TSHR: variants seen among roughly 807,000 people sequenced by gnomAD.
TSHR encodes thyroid stimulating hormone receptor.
A neutral mutation model predicts 64.1 loss-of-function variants in TSHR; 51 were observed. The ratio of observed to expected loss-of-function variants is 0.80; its 90% CI spans 0.64 to 1.01. TSHR has a LOEUF of 1.01. Among genes scored for constraint, TSHR ranks in the 50% least tolerant of loss-of-function variants. The pLI, the probability that TSHR is intolerant of heterozygous loss-of-function variation, is 0.00. For synonymous variants in TSHR, 361 were observed against 361.9 expected (o/e 1.00, Z 0.03); for missense variants, 877 against 942.8 (o/e 0.93, Z 0.91).
intron 8 of TSHR, among the ~76,000 whole-genome samples, chr14:81,114,226 G>A (rs550681525): frequency 3.9e-5 from 6 of 152,004 alleles, no homozygotes; most frequent in African/African-American, 9.7e-5. Context: ...CAGCGTCAGC[G>A]ACGCAGAAGA....
intron 3 of TSHR, among the ~76,000 whole-genome samples, chr14:81,084,393 C>A (rs1232146906): frequency 1.3e-5 from 2 of 151,702 alleles, no homozygotes; most frequent in African/African-American, 2.4e-5. Flanking sequence ...GTGAAAATTC[C>A]ACATTCCTTC....
intron 7 of TSHR, among the ~76,000 whole-genome samples, chr14:81,105,480 G>T (rs1037361268): frequency 5.9e-5 from 9 of 152,158 alleles, no homozygotes; most frequent in African/African-American, 1.7e-4. Flanking sequence ...CAGCAGTGCT[G>T]GTTTTAGAGA....
Position 81,087,975 on chromosome 14 carries a change from C to G in TSHR, c.339C>G (p.Asn113Lys). 6.2e-7 allele frequency: 1 copy of G among 1,613,870 alleles called. No homozygotes were observed. Among genetic ancestry groups the G allele is most frequent in the Non-Finnish European group, 8.5e-7 (1 of 1,179,762 alleles). The change falls in exon 4 of 10, where the codon AAC becomes AAG. Residue 113 changes from asparagine to lysine, a missense_variant. By Grantham distance (94) the Asn-to-Lys change is moderately conservative. Transcript: ENST00000298171. ...VTHIEIRNTR[N>K]LTYIDPDALK... ...ACAGAGAAATTCGGAATACCAGGAA[C>G]TTAACTTACATAGACCCTGATGCCC...
intron 1 of TSHR, among the ~76,000 whole-genome samples, chr14:81,005,299 G>A (rs933877399): frequency 4.6e-5 from 7 of 151,246 alleles, no homozygotes; most frequent in African/African-American, 1.7e-4. Context: ...AAAATATATT[G>A]GCACTCTGAA....
At chr14:81,105,038 C>A (rs548007151) in intron 7 of TSHR, 1 of 985,374 alleles carries the variant, frequency 1.0e-6, no homozygotes, top group African/African-American at 1.7e-5. Flanking sequence ...TTTTGAGTCT[C>A]TTTTAAGCTA....
intron 3 of TSHR, among the ~76,000 whole-genome samples, chr14:81,085,321 C>T (rs1888212420): frequency 6.6e-6 from 1 of 152,138 alleles, no homozygotes; most frequent in South Asian, 2.1e-4. Flanking sequence ...ACGACCACTC[C>T]ACCCCTTCTC....
At chr14:81,010,561 T>G (rs1237078741) in intron 1 of TSHR, among the ~76,000 whole-genome samples, 3 of 152,134 alleles carry the variant, frequency 2.0e-5, no homozygotes, top group Admixed American at 6.5e-5. Context: ...CTATGGATGG[T>G]TGTACATTAA....
chr14:80,984,466 T>C (rs1888335820), intron 1 of TSHR, among the ~76,000 whole-genome samples: 1 of 152,186 alleles, frequency 6.6e-6, no homozygotes, highest in Admixed American at 6.5e-5. Context: ...TTATTAGAAC[T>C]CATTAGTCTG....
intron 1 of TSHR, among the ~76,000 whole-genome samples, chr14:81,048,434 C>G (rs1479871842): frequency 6.6e-6 from 1 of 152,086 alleles, no homozygotes; most frequent in East Asian, 1.9e-4. Flanking sequence ...CCTTCCACAT[C>G]CCAAAGATGG....
Position 81,088,016 on chromosome 14 carries a change from T to C in TSHR, c.380T>C (p.Leu127Pro). The change falls in exon 4 of 10, where the codon CTC (leucine) becomes CCC (proline). Residue 127 changes from leucine (L) to proline (P), a missense_variant. Leu to Pro is a moderately conservative substitution (Grantham distance 98). Coordinates refer to ENST00000298171, the MANE Select transcript of TSHR (RefSeq NM_000369.5). ...CCTGATGCCCTCAAAGAGCTCCCCCTCCTAAAGTTCCTGTAAGTATTAAAT... is the reference window on the plus strand; with the variant it reads ...CCTGATGCCCTCAAAGAGCTCCCCCCCCTAAAGTTCCTGTAAGTATTAAAT... ...IDPDALKELP[L>P]LKFLGIFNTG... The C allele has an allele frequency of 1.2e-6, 2 of 1,613,096 alleles. No homozygotes were observed. The highest frequency in any genetic ancestry group is 1.7e-6 in the Non-Finnish European group (2 of 1,179,162).
chr14:80,955,761 A>G lies in TSHR; in HGVS notation c.81A>G (p.Pro27=). ...RDLGGMGCSS[P]PCECHQEEDF... ...TGGGCGGAATGGGGTGTTCGTCTCC[A>G]CCCTGCGAGTGCCATCAGGAGGAGG... The change falls in exon 1 of 10, where the codon CCA becomes CCG. Residue 27 remains proline, a synonymous_variant. Transcript: ENST00000298171. 6.2e-7 allele frequency: 1 copy of G among 1,614,070 alleles called. No individual in the cohort carries two copies. The highest frequency in any genetic ancestry group is 8.5e-7 in the Non-Finnish European group (1 of 1,179,996).
At chr14:80,976,780 G>C (rs1887899297) in intron 1 of TSHR, among the ~76,000 whole-genome samples, 1 of 152,202 alleles carries the variant, frequency 6.6e-6, no homozygotes, top group African/African-American at 2.4e-5. Context: ...GTTCTCCACA[G>C]AGCCTAGTAT....
intron 3 of TSHR, among the ~76,000 whole-genome samples, chr14:81,080,834 C>A (rs528038383): frequency 2.0e-5 from 3 of 152,246 alleles, no homozygotes; most frequent in South Asian, 4.1e-4. Context: ...AAGGTCTAAT[C>A]TATACCAAGA....
intron 7 of TSHR, among the ~76,000 whole-genome samples, chr14:81,097,487 C>T (rs10149740): frequency 0.22 from 33,087 of 152,050 alleles, 4,840 homozygotes; most frequent in African/African-American, 0.41. Context: ...TCAAAATACA[C>T]AGTCTGATTC....
At chr14:81,100,163 G>T (rs1889483536) in intron 7 of TSHR, among the ~76,000 whole-genome samples, 1 of 152,108 alleles carries the variant, frequency 6.6e-6, no homozygotes, top group Non-Finnish European at 1.5e-5. Flanking sequence ...CTTTTTAAAA[G>T]AAATTTATGA....
chr14:81,027,350 T>C (rs1206378388), intron 1 of TSHR, among the ~76,000 whole-genome samples: 2 of 152,090 alleles, frequency 1.3e-5, no homozygotes, highest in East Asian at 3.9e-4. Context: ...TTTGAATCTG[T>C]AGAATTAAAG....
At chr14:81,112,213 T>C (rs1890254256) in intron 8 of TSHR, among the ~76,000 whole-genome samples, 1 of 152,324 alleles carries the variant, frequency 6.6e-6, no homozygotes, top group Admixed American at 6.5e-5. Context: ...CAGGATAAAG[T>C]AAGCTAATAA....
At chr14:81,056,017 C>T (rs1261059240) in intron 1 of TSHR, among the ~76,000 whole-genome samples, 1 of 151,962 alleles carries the variant, frequency 6.6e-6, no homozygotes, top group African/African-American at 2.4e-5. Flanking sequence ...TCTTGAGTTC[C>T]CACATGTTGT....
chr14:81,057,718 C>A lies in TSHR; in HGVS notation c.171-4430C>A, dbSNP rs17111397. The stretch of plus-strand genomic sequence containing the variant: ...AGATGACATTGATATTATACAAACA[C>A]GCAGAATCACAAAATACTCTCAGCC... On this transcript the variant is annotated intron_variant, in intron 1 of 9. Coordinates refer to ENST00000298171, the MANE Select transcript of TSHR (RefSeq NM_000369.5). 3.3e-4 allele frequency among the ~76,000 whole-genome samples: 50 copies of A among 152,230 alleles called. No individual in the cohort carries two copies. In the Middle Eastern group the frequency reaches 0.017, roughly 52 times the overall value.
Sources: allele counts gnomAD v4.1 joint callset (sites outside exome capture counted in the v4.1 genomes callset), GRCh38; gene constraint gnomAD v4.1.1; transcripts MANE v1.5; gene names NCBI Gene and HGNC (gene_info 2026-07-23, HGNC 2026-07-21).